MS4A2: variants seen among roughly 807,000 people sequenced by gnomAD.
MS4A2 encodes the protein membrane spanning 4-domains A2, also known as high affinity immunoglobulin epsilon receptor subunit beta.
In MS4A2, 26 loss-of-function variants were observed where a neutral mutation model predicts 27.9. The observed-to-expected ratio is 0.93, with a 90% CI of 0.68 to 1.29. MS4A2 has a LOEUF of 1.29. Among genes scored for constraint, MS4A2 ranks in the 50% most tolerant of loss-of-function variants. The probability of loss-of-function intolerance (pLI) is 0.00; values close to 1 mark genes in which losing one functional copy is unlikely to be tolerated. For synonymous variants in MS4A2, 110 were observed against 98.8 expected (o/e 1.11, Z -0.67); for missense variants, 284 against 284.6 (o/e 1.00, Z 0.01).
rs2847669 is a variant in MS4A2 at position 60,095,712 on chromosome 11, C to G, written c.*56C>G. 2.5e-6 allele frequency: 3 copies of G among 1,199,726 alleles called. No individual in the cohort carries two copies. The African/African-American group carries it at 4.5e-5, about 18-fold the overall frequency. The allele number at this position is 1,199,726 out of a possible 1,614,324, so 74.3% of individuals were successfully genotyped here. ...AGCCAAGGATCCAGAAGGCCAAGGT[C>G]TTGTTAAGGGGCTACTGGAAAAATT... On this transcript the variant is annotated 3_prime_UTR_variant, in exon 7 of 7. Transcript: ENST00000278888.
chr11:60,093,089 T>TA (rs1246839596), intron 4 of MS4A2, among the ~76,000 whole-genome samples: 4 of 152,294 alleles, frequency 2.6e-5, no homozygotes, highest in South Asian at 4.1e-4. Flanking sequence ...ACGTTTCTTC[T>TA]AAAAAAAGTG....
rs1855858630 is a variant in MS4A2, at chr11:60,095,732, A to T, written c.*76A>T. On this transcript the variant is annotated 3_prime_UTR_variant, in exon 7 of 7. Coordinates refer to ENST00000278888, the MANE Select transcript of MS4A2 (RefSeq NM_000139.5). Reference sequence around the variant, plus strand: ...AAGGTCTTGTTAAGGGGCTACTGGAAAAATTTCTATTCTCTCCACAGCCTG... The same window carrying T: ...AAGGTCTTGTTAAGGGGCTACTGGATAAATTTCTATTCTCTCCACAGCCTG... 6 of 928,310 alleles carry T rather than the reference A, an allele frequency of 6.5e-6. No homozygotes were observed. The highest frequency in any genetic ancestry group is 8.9e-6 in the Non-Finnish European group (5 of 560,182). 57.5% of individuals were successfully genotyped at this position (928,310 alleles called of 1,614,324 possible). A position where few individuals can be genotyped will look rare whatever the true frequency, so the allele number is the denominator to read the frequency against.
intron 5 of MS4A2, 128 bp from the exon 6 acceptor site, chr11:60,093,836 G>GTA: frequency 1.4e-6 from 1 of 728,684 alleles, no homozygotes. Flanking sequence ...GTGTGTGTGT[G>GTA]TATGTGTCAC....
chr11:60,090,030 G>A (rs1470586487), intron 2 of MS4A2, among the ~76,000 whole-genome samples: 1 of 152,186 alleles, frequency 6.6e-6, no homozygotes, highest in Non-Finnish European at 1.5e-5. Flanking sequence ...GACGAGAATG[G>A]CCAACAGGAG....
chr11:60,095,634 T>C lies in MS4A2; in HGVS notation c.713T>C (p.Met238Thr), dbSNP rs370005134. 6 of 1,608,362 alleles carry C rather than the reference T, an allele frequency of 3.7e-6. No homozygotes were observed. The highest frequency in any genetic ancestry group is 3.3e-5 in the Admixed American group (2 of 60,020). ...TYSELEDPGEMSPPIDL is the reference protein window; with the variant it reads ...TYSELEDPGETSPPIDL ...AGTGAGTTGGAAGACCCAGGGGAAA[T>C]GTCTCCTCCCATTGATTTATAAGAA... The change falls in exon 7 of 7, where the codon ATG becomes ACG. Residue 238 changes from methionine (M) to threonine (T), a missense_variant. By Grantham distance (81) the Met-to-Thr change is moderately conservative. Transcript: ENST00000278888.
At chr11:60,093,101 C>T (rs1855796600) in intron 4 of MS4A2, among the ~76,000 whole-genome samples, 1 of 152,126 alleles carries the variant, frequency 6.6e-6, no homozygotes. Context: ...AAAAAAGTGT[C>T]CTCACACCGG....
intron 2 of MS4A2, 147 bp downstream of exon 2, chr11:60,089,968 G>A (rs967553578): frequency 9.6e-7 from 1 of 1,039,320 alleles, no homozygotes; most frequent in Non-Finnish European, 1.4e-6. Context: ...ACACTAACTG[G>A]GTCCTTTTGG....
chr11:60,088,924 A>T (rs948308169), intron 1 of MS4A2, 103 bp downstream of exon 1: 2 of 1,161,204 alleles, frequency 1.7e-6, no homozygotes, highest in African/African-American at 3.1e-5. Context: ...TTAGGCATGG[A>T]TCCATCTAGT....
upstream of MS4A2, chr11:60,088,514 A>G (rs184080320): frequency 6.7e-5 from 69 of 1,029,016 alleles, no homozygotes; most frequent in East Asian, 1.1e-3. Context: ...AGGAGTCTCA[A>G]ATTTTCTTAT....
Position 60,096,547 on chromosome 11 carries a change from G to A in MS4A2, c.*891G>A, listed in dbSNP as rs1041568879. 1.3e-5 allele frequency: 2 copies of A among 152,114 alleles called. No homozygotes were observed. Among genetic ancestry groups the A allele is most frequent in the Non-Finnish European group, 2.9e-5 (2 of 68,020 alleles). 9.4% of individuals were successfully genotyped at this position (152,114 alleles called of 1,614,324 possible). A position where few individuals can be genotyped will look rare whatever the true frequency, so the allele number is the denominator to read the frequency against. On this transcript the variant is annotated 3_prime_UTR_variant, in exon 7 of 7. Coordinates refer to ENST00000278888, the MANE Select transcript of MS4A2 (RefSeq NM_000139.5). ...CAACTGGTTGACTAATACATTAAGC[G>A]TTTGAGTCTAAGATGAAAGGAGAAC...
chr11:60,093,982 C>T lies in MS4A2; in HGVS notation c.556C>T (p.Leu186=). The change falls in exon 6 of 7, where the codon CTG becomes TTG. Residue 186 remains leucine (L), a synonymous_variant. Transcript: ENST00000278888. ...SFSTEIVVMM[L]FLTILGLGSA... ...TCAATAGGAAATTGTAGTGATGATG[C>T]TGTTTCTCACCATTCTGGGACTTGG... The T allele has an allele frequency of 6.2e-7, 1 of 1,613,442 alleles. No individual in the cohort carries two copies. Among genetic ancestry groups the T allele is most frequent in the Non-Finnish European group, 8.5e-7 (1 of 1,179,364 alleles).
chr11:60,093,551 T>C lies in MS4A2; in HGVS notation c.530T>C (p.Phe177Ser), dbSNP rs763802078. ...FFETKCFMASFSTEIVVMMLF... is the reference protein window; with the variant it reads ...FFETKCFMASSSTEIVVMMLF... ...GAGACCAAGTGCTTTATGGCTTCCT[T>C]TTCCACTGTATGTATTTTTTTTTGT... Residue 177 changes from phenylalanine (F) to serine (S), a missense_variant, in exon 5 of 7, where the codon TTT (phenylalanine) becomes TCT (serine). By Grantham distance (155) the Phe-to-Ser change is radical (BLOSUM62 -2). Coordinates refer to ENST00000278888, the MANE Select transcript of MS4A2 (RefSeq NM_000139.5). The C allele has an allele frequency of 1.9e-6, 3 of 1,614,206 alleles. No individual in the cohort carries two copies. Among genetic ancestry groups the C allele is most frequent in the Non-Finnish European group, 1.7e-6 (2 of 1,180,010 alleles).
Position 60,089,757 on chromosome 11 carries a change from C to T in MS4A2, c.122C>T (p.Ser41Leu), listed in dbSNP as rs781477121. 2.9e-5 allele frequency: 47 copies of T among 1,614,116 alleles called. No individual in the cohort carries two copies. The highest frequency in any genetic ancestry group is 3.0e-5 in the Non-Finnish European group (35 of 1,179,980). The change falls in exon 2 of 7, where the codon TCG becomes TTG. Residue 41 changes from serine (S) to leucine (L), a missense_variant. By Grantham distance (145) the Ser-to-Leu change is moderately radical. Coordinates refer to ENST00000278888, the MANE Select transcript of MS4A2 (RefSeq NM_000139.5). ...QEVSSGRLLK[S>L]ASSPPLHTWL... is the part of the protein sequence containing the mutation. ...GTATCTTCAGGCAGACTATTGAAGT[C>T]GGCCTCATCCCCACCACTGCATACA...
Position 60,096,028 on chromosome 11 carries a change from T to G in MS4A2, c.*372T>G. 1 of 261,172 alleles carries G rather than the reference T, an allele frequency of 3.8e-6. No homozygotes were observed. The highest frequency in any genetic ancestry group is 4.6e-5 in the South Asian group (1 of 21,910). 16.2% of individuals were successfully genotyped at this position (261,172 alleles called of 1,614,324 possible). A position where few individuals can be genotyped will look rare whatever the true frequency, so the allele number is the denominator to read the frequency against. On this transcript the variant is annotated 3_prime_UTR_variant, in exon 7 of 7. Coordinates refer to ENST00000278888, the MANE Select transcript of MS4A2 (RefSeq NM_000139.5). ...TGATAATATTTGGTTCTTAGGGTTT[T>G]TTTTTTTTTTTAGCATTCTTAATAG... is the stretch of plus-strand genomic sequence containing the variant.
At position 60,090,477 on chromosome 11, in the gene MS4A2, ATATATC is replaced by A; in HGVS notation, c.321+12_321+17del. 3 of 1,611,900 alleles carry A rather than the reference ATATATC, an allele frequency of 1.9e-6. No homozygotes were observed. The highest frequency in any genetic ancestry group is 2.5e-6 in the Non-Finnish European group (3 of 1,179,506). On this transcript the variant is annotated splice_region_variant and intron_variant, in intron 3 of 6. Coordinates refer to ENST00000278888, the MANE Select transcript of MS4A2 (RefSeq NM_000139.5). ...ATTCTGGGGAGCCATATTTGTGAGTATATATCTATAATTGTTTCTGAAATAACACTG... is the reference window on the plus strand; with the variant it reads ...ATTCTGGGGAGCCATATTTGTGAGTATATAATTGTTTCTGAAATAACACTG...
At position 60,097,083 on chromosome 11, in the gene MS4A2, T is replaced by G. The variant is rs1422719788; in HGVS notation, c.*1427T>G. Reference sequence around the variant, plus strand: ...AAATTTGATACAGGTTTGGTGTCATTATAAGAGAAATCATTATTAAATGAA... The same window carrying G: ...AAATTTGATACAGGTTTGGTGTCATGATAAGAGAAATCATTATTAAATGAA... On this transcript the variant is annotated 3_prime_UTR_variant, in exon 7 of 7. Transcript: ENST00000278888. 1 of 152,008 alleles carries G rather than the reference T, an allele frequency of 6.6e-6. No homozygotes were observed. The highest frequency in any genetic ancestry group is 1.9e-4 in the East Asian group (1 of 5,194). 9.4% of individuals were successfully genotyped at this position (152,008 alleles called of 1,614,324 possible).
Position 60,095,726 on chromosome 11 carries a change from A to C in MS4A2, c.*70A>C, listed in dbSNP as rs1203565091. The C allele has an allele frequency of 9.8e-7, 1 of 1,022,714 alleles. No individual in the cohort carries two copies. Among genetic ancestry groups the C allele is most frequent in the East Asian group, 2.4e-5 (1 of 41,552 alleles). 63.4% of individuals were successfully genotyped at this position (1,022,714 alleles called of 1,614,324 possible). On this transcript the variant is annotated 3_prime_UTR_variant, in exon 7 of 7. Coordinates refer to ENST00000278888, the MANE Select transcript of MS4A2 (RefSeq NM_000139.5). ...AAGGCCAAGGTCTTGTTAAGGGGCT[A>C]CTGGAAAAATTTCTATTCTCTCCAC...
chr11:60,093,113 A>G (rs745329252), intron 4 of MS4A2, among the ~76,000 whole-genome samples: 1 of 152,220 alleles, frequency 6.6e-6, no homozygotes, highest in Non-Finnish European at 1.5e-5. Flanking sequence ...TCACACCGGC[A>G]TTGTCCTTGT....
Position 60,094,176 on chromosome 11 carries a change from C to T in MS4A2, c.636+114C>T, listed in dbSNP as rs1191692737. 8.0e-6 allele frequency: 6 copies of T among 753,962 alleles called. No homozygotes were observed. The East Asian group carries it at 1.6e-4, about 20-fold the overall frequency. 46.7% of individuals were successfully genotyped at this position (753,962 alleles called of 1,614,324 possible). ...CATTTCTTCCAGAAAATAGTTTCTC[C>T]AAGTTTTATTACTTTGGTTTACAAA... On this transcript the variant is annotated intron_variant, in intron 6 of 6. Coordinates refer to ENST00000278888, the MANE Select transcript of MS4A2 (RefSeq NM_000139.5).
Sources: gnomAD v4.1 joint callset for allele counts (sites outside exome capture counted in the v4.1 genomes callset) on GRCh38, gnomAD v4.1.1 for gene constraint, MANE v1.5 for transcripts, NCBI Gene and HGNC (gene_info 2026-07-23, HGNC 2026-07-21) for gene names.